Variants in WDR41 observed in about 807,000 individuals in gnomAD.
WDR41 encodes the protein WD repeat domain 41.
WDR41 carries 63 observed loss-of-function variants against 69.3 expected under a neutral mutation model. The observed-to-expected ratio is 0.91, with a 90% CI of 0.74 to 1.12. The LOEUF is 1.12. WDR41 is among the 50% of genes most tolerant of loss of function. WDR41 has a pLI of 0.00. For missense variants in WDR41, 543 were observed against 534.5 expected, an observed-to-expected ratio of 1.02 and a Z score of -0.16; for synonymous variants, 185 against 192.1, an observed-to-expected ratio of 0.96 and a Z score of 0.31.
chr5:77,480,813 T>G (rs1168202145), intron 2 of WDR41, among the ~76,000 whole-genome samples: 1 of 124,722 alleles, frequency 8.0e-6, no homozygotes, highest in East Asian at 2.3e-4. Context: ...ACCCTAAAAC[T>G]TAAAGTATAA....
At chr5:77,596,528 C>A (rs1744231238) in intron 1 of WDR41, among the ~76,000 whole-genome samples, 1 of 151,484 alleles carries the variant, frequency 6.6e-6, no homozygotes, top group South Asian at 2.1e-4. Flanking sequence ...CAAAAATGTT[C>A]TTAAACTTTT....
At chr5:77,550,455 A>G (rs1335354305) in intron 1 of WDR41, among the ~76,000 whole-genome samples, 1 of 152,216 alleles carries the variant, frequency 6.6e-6, no homozygotes, top group African/African-American at 2.4e-5. Flanking sequence ...GACACTTCCC[A>G]AAAGAAGACA....
At chr5:77,533,483 C>G (rs538242420) in intron 1 of WDR41, among the ~76,000 whole-genome samples, 2 of 152,118 alleles carry the variant, frequency 1.3e-5, no homozygotes, top group Admixed American at 6.5e-5. Context: ...TACAAAGATA[C>G]GTTTTTCAGA....
intron 1 of WDR41, among the ~76,000 whole-genome samples, chr5:77,567,346 A>G (rs944496669): frequency 1.3e-5 from 2 of 152,142 alleles, no homozygotes; most frequent in Non-Finnish European, 2.9e-5. Flanking sequence ...TACATCTCCT[A>G]GCATTCTTGG....
intron 12 of WDR41, among the ~76,000 whole-genome samples, chr5:77,434,634 G>A (rs1229274853): frequency 6.6e-6 from 1 of 151,650 alleles, no homozygotes; most frequent in Non-Finnish European, 1.5e-5. Context: ...AAACCTGGGA[G>A]GCGGAGAGTA....
chr5:77,527,217 TA>T (rs533249713), intron 1 of WDR41, among the ~76,000 whole-genome samples: 148 of 151,880 alleles, frequency 9.7e-4, no homozygotes, highest in African/African-American at 3.2e-3. Context: ...GCCAGATTTT[TA>T]AAAAAAATCT....
intron 1 of WDR41, among the ~76,000 whole-genome samples, chr5:77,537,679 A>G (rs1579997844): frequency 6.6e-6 from 1 of 152,058 alleles, no homozygotes; most frequent in South Asian, 2.1e-4. Context: ...CTCACAGTGG[A>G]GTCATTTGAT....
At chr5:77,517,409 CA>C (rs1245107005) in intron 1 of WDR41, among the ~76,000 whole-genome samples, 10 of 151,984 alleles carry the variant, frequency 6.6e-5, no homozygotes, top group Non-Finnish European at 1.2e-4. Context: ...ACAAAAAAAA[CA>C]GATCAGACTC....
At chr5:77,445,468 A>C (rs374552788) in intron 8 of WDR41, among the ~76,000 whole-genome samples, 36 of 152,114 alleles carry the variant, frequency 2.4e-4, no homozygotes, top group African/African-American at 7.9e-4. Context: ...GAGACACAAC[A>C]AAAAAAAGAA....
chr5:77,486,203 G>T (rs1006116192), intron 2 of WDR41, among the ~76,000 whole-genome samples: 1 of 152,038 alleles, frequency 6.6e-6, no homozygotes. Flanking sequence ...GTACACTACA[G>T]AATTAAATTT....
At chr5:77,551,277 G>A (rs1207207258) in intron 1 of WDR41, among the ~76,000 whole-genome samples, 1 of 152,200 alleles carries the variant, frequency 6.6e-6, no homozygotes, top group African/African-American at 2.4e-5. Context: ...TAAGGATTTT[G>A]TATGTTTAAG....
chr5:77,433,146 G>C lies in WDR41; in HGVS notation c.1369C>G (p.Leu457Val). The change falls in exon 13 of 13, where the codon CTT (leucine) becomes GTT (valine). Residue 457 changes from leucine (L) to valine (V), a missense_variant. Leu to Val is a conservative substitution (Grantham distance 32). Transcript: ENST00000296679. ...TTTAATTCCTTAAACTAGACAGCAA[G>C]GTATAAGTCACCATTCTCCTCTAAT... ...QKLEENGDLY[L>V]AV The C allele has an allele frequency of 1.2e-6, 2 of 1,612,434 alleles. No homozygotes were observed. Among genetic ancestry groups the C allele is most frequent in the African/African-American group, 1.3e-5 (1 of 74,952 alleles).
chr5:77,558,107 A>AC (rs1743445932), intron 1 of WDR41, among the ~76,000 whole-genome samples: 1 of 148,538 alleles, frequency 6.7e-6, no homozygotes, highest in African/African-American at 2.5e-5. Context: ...AAAAAAAAAA[A>AC]AAAAAAAAAC....
In WDR41 at chr5:77,563,803, T is replaced by G. The variant is rs139530829; in HGVS notation, c.42+56676A>C. 7.4e-3 allele frequency among the ~76,000 whole-genome samples: 1,121 copies of G among 152,314 alleles called. 12 individuals carry two copies. Among genetic ancestry groups the G allele is most frequent in the Middle Eastern group, 0.031 (9 of 294 alleles). On this transcript the variant is annotated intron_variant, in intron 1 of 5. Coordinates refer to the WDR41 transcript ENST00000509971. ...AAATAGAATGCAAAATTTTCATGAA[T>G]TTTTAAAATATAGAATTCAAAAAAT...
At chr5:77,485,346 T>C (rs1185608700) in intron 2 of WDR41, among the ~76,000 whole-genome samples, 3 of 152,238 alleles carry the variant, frequency 2.0e-5, no homozygotes, top group African/African-American at 4.8e-5. Flanking sequence ...AGCTTGAGAA[T>C]ATTTCCTTTA....
intron 2 of WDR41, among the ~76,000 whole-genome samples, chr5:77,473,805 G>C (rs1021639927): frequency 2.6e-5 from 4 of 152,332 alleles, no homozygotes; most frequent in Non-Finnish European, 5.9e-5. Flanking sequence ...ACAGATGCTG[G>C]AGAGGATGTG....
At chr5:77,592,922 C>T (rs186174106) in intron 1 of WDR41, among the ~76,000 whole-genome samples, 31 of 152,256 alleles carry the variant, frequency 2.0e-4, no homozygotes, top group African/African-American at 7.5e-4. Context: ...CACAGGTGAA[C>T]AAAAACAGGT....
intron 1 of WDR41, among the ~76,000 whole-genome samples, chr5:77,511,669 T>C (rs1802205292): frequency 6.6e-6 from 1 of 152,200 alleles, no homozygotes; most frequent in African/African-American, 2.4e-5. Flanking sequence ...TTCCATTACA[T>C]CTGCAGTTCT....
At chr5:77,528,103 G>T (rs548345352) in intron 1 of WDR41, among the ~76,000 whole-genome samples, 10 of 151,594 alleles carry the variant, frequency 6.6e-5, no homozygotes, top group South Asian at 4.2e-4. Flanking sequence ...TTACAACAGA[G>T]GTTCAATAAA....
Sources: gnomAD v4.1 joint callset for allele counts (sites outside exome capture counted in the v4.1 genomes callset) on GRCh38, gnomAD v4.1.1 for gene constraint, MANE v1.5 for transcripts, NCBI Gene and HGNC (gene_info 2026-07-23, HGNC 2026-07-21) for gene names.